Variants in RPS3 observed in about 807,000 individuals in gnomAD.
The protein encoded by RPS3 is ribosomal protein S3.
A neutral mutation model predicts 25.8 loss-of-function variants in RPS3; 2 were observed. That is an observed-to-expected ratio of 0.08 (90% CI 0.03 to 0.24). The LOEUF (loss-of-function observed/expected upper bound fraction) is 0.24, where lower values mean the gene tolerates loss of function less well. Among genes scored for constraint, RPS3 ranks in the 10% least tolerant of loss-of-function variants. The pLI is 1.00. For synonymous variants in RPS3, 114 were observed against 114.2 expected (o/e 1.00, Z 0.01); for missense variants, 107 against 307.1 (o/e 0.35, Z 4.87).
intron 6 of RPS3, among the ~76,000 whole-genome samples, chr11:75,421,377 G>T (rs1334642508): frequency 1.3e-5 from 2 of 152,224 alleles, no homozygotes; most frequent in Non-Finnish European, 2.9e-5. Flanking sequence ...GTACAAATGA[G>T]GGGGAGCCTG....
In RPS3 at chr11:75,405,472, T is replaced by A. The variant is rs1163919264; in HGVS notation, c.*4-142T>A. 5.0e-5 allele frequency: 17 copies of A among 340,460 alleles called. No homozygotes were observed. The East Asian group carries it at 1.2e-3, about 24-fold the overall frequency. The allele number at this position is 340,460 out of a possible 1,614,324, so 21.1% of individuals were successfully genotyped here. ...CCAGGTGCCTTGTATTTTTTTTTTTTATATGAAAAAGGACAAACCCTTATG... is the reference window on the plus strand; with the variant it reads ...CCAGGTGCCTTGTATTTTTTTTTTTAATATGAAAAAGGACAAACCCTTATG... On this transcript the variant is annotated intron_variant, in intron 6 of 6. Transcript: ENST00000531188.
intron 6 of RPS3, among the ~76,000 whole-genome samples, chr11:75,418,254 C>T (rs1467934624): frequency 6.6e-6 from 1 of 152,250 alleles, no homozygotes; most frequent in East Asian, 1.9e-4. Context: ...ATGCCAGGAC[C>T]ACCCCACCCA....
chr11:75,410,382 C>T (rs1948340782), downstream of RPS3, among the ~76,000 whole-genome samples: 1 of 151,768 alleles, frequency 6.6e-6, no homozygotes, highest in African/African-American at 2.4e-5. Flanking sequence ...CCCCACATCT[C>T]AGACGATGGG....
chr11:75,414,321 G>A (rs1262887929), intron 6 of RPS3, among the ~76,000 whole-genome samples: 1 of 152,080 alleles, frequency 6.6e-6, no homozygotes, highest in East Asian at 1.9e-4. Context: ...CTCATCAAAG[G>A]TTACTGTCGG....
chr11:75,400,432 C>G, intron 1 of RPS3: 1 of 569,260 alleles, frequency 1.8e-6, no homozygotes. Flanking sequence ...TGGGGATGTT[C>G]TCTTTGCCCA....
chr11:75,403,364 T>C (rs550662707), intron 4 of RPS3: 38 of 152,378 alleles, frequency 2.5e-4, no homozygotes, highest in African/African-American at 8.4e-4. Context: ...GGATCTGTTA[T>C]CTTCTAAGGT....
chr11:75,400,424 G>C, intron 1 of RPS3: 1 of 562,644 alleles, frequency 1.8e-6, no homozygotes, highest in Non-Finnish European at 3.5e-6. Context: ...GTCTGACTTG[G>C]GGATGTTCTC....
downstream of RPS3, among the ~76,000 whole-genome samples, chr11:75,410,553 C>G (rs1426008987): frequency 2.6e-5 from 4 of 152,008 alleles, no homozygotes. Flanking sequence ...GATGGGCGGC[C>G]AGGCAGAGAC....
At chr11:75,401,394 GA>G in intron 2 of RPS3, among the ~76,000 whole-genome samples, 1 of 152,256 alleles carries the variant, frequency 6.6e-6, no homozygotes, top group Admixed American at 6.5e-5. Flanking sequence ...ACCTATTCCA[GA>G]GGCTGAAGCA....
intron 6 of RPS3, among the ~76,000 whole-genome samples, chr11:75,413,251 T>A (rs12791608): frequency 0.17 from 11,048 of 66,178 alleles, 509 homozygotes; most frequent in South Asian, 0.33. Context: ...ATATATATAT[T>A]TTTTTTTTTG....
At chr11:75,409,228 C>A (rs1361477591), downstream of RPS3, among the ~76,000 whole-genome samples, 1 of 144,804 alleles carries the variant, frequency 6.9e-6, no homozygotes, top group African/African-American at 2.5e-5. Context: ...GGGTGTTTCT[C>A]GCAGAGGGGG....
chr11:75,405,427 T>G, intron 6 of RPS3, 187 bp from the exon 7 acceptor site: 1 of 323,396 alleles, frequency 3.1e-6, no homozygotes, highest in Admixed American at 4.4e-5. Context: ...GGGGTTTTTT[T>G]GTTTATAGGT....
chr11:75,420,796 T>C (rs568355442), intron 6 of RPS3, among the ~76,000 whole-genome samples: 111 of 151,728 alleles, frequency 7.3e-4, no homozygotes, highest in Admixed American at 1.3e-3. Context: ...TGCCCGGTGA[T>C]AGAGGAGGGC....
intron 4 of RPS3, chr11:75,403,180 G>C (rs543380074): frequency 6.6e-6 from 1 of 152,168 alleles, no homozygotes; most frequent in African/African-American, 2.4e-5. Context: ...TAGAAAAGAC[G>C]GCTTACCTGG....
At chr11:75,419,000 T>C (rs1011142237) in intron 6 of RPS3, among the ~76,000 whole-genome samples, 3 of 152,270 alleles carry the variant, frequency 2.0e-5, no homozygotes, top group Admixed American at 2.0e-4. Context: ...TGGCCTTTAA[T>C]TAAGGACTTT....
rs1037656612 is a variant in RPS3, at chr11:75,402,591, C to A, written c.350+145C>A. On this transcript the variant is annotated intron_variant, in intron 4 of 6. Transcript: ENST00000531188. ...TTATAATAAGATACTAAGTCATGCCCTCACTGAACTGGCAGGCTAACAAGA... is the reference window on the plus strand; with the variant it reads ...TTATAATAAGATACTAAGTCATGCCATCACTGAACTGGCAGGCTAACAAGA... The A allele has an allele frequency of 1.4e-5, 11 of 786,134 alleles. No homozygotes were observed. In the African/African-American group the frequency reaches 1.7e-4, roughly 12 times the overall value. 48.7% of individuals were successfully genotyped at this position (786,134 alleles called of 1,614,324 possible).
chr11:75,399,690 G>C (rs1948174990), intron 1 of RPS3, 113 bp downstream of exon 1: 1 of 917,502 alleles, frequency 1.1e-6, no homozygotes, highest in African/African-American at 1.7e-5. Context: ...AGCGGCCTAG[G>C]CTTCCTGGCG....
chr11:75,418,617 TAAAAA>T (rs952315133), intron 6 of RPS3, among the ~76,000 whole-genome samples: 1 of 152,002 alleles, frequency 6.6e-6, no homozygotes, highest in African/African-American at 2.4e-5. Flanking sequence ...GGTCTCGAAT[TAAAAA>T]AAAATTTTAG....
chr11:75,410,062 G>A (rs1429677709), downstream of RPS3, among the ~76,000 whole-genome samples: 15 of 142,908 alleles, frequency 1.0e-4, no homozygotes, highest in African/African-American at 1.8e-4. Flanking sequence ...CTGGCCAGGC[G>A]GGGGGCTGAC....
Sources: allele counts gnomAD v4.1 joint callset (sites outside exome capture counted in the v4.1 genomes callset), GRCh38; gene constraint gnomAD v4.1.1; transcripts MANE v1.5; gene names NCBI Gene and HGNC (gene_info 2026-07-23, HGNC 2026-07-21).